The following ZYG11B variants were observed in gnomAD, a reference collection of about 807,000 sequenced individuals.
ZYG11B encodes the protein protein zyg-11 homolog B.
Under a neutral mutation model 82.4 loss-of-function variants are expected in ZYG11B, and 36 were observed. That is an observed-to-expected ratio of 0.44 (90% confidence interval 0.33 to 0.58). The LOEUF is 0.58. Among genes scored for constraint, ZYG11B ranks in the 20% least tolerant of loss-of-function variants. The pLI, the probability that ZYG11B is intolerant of heterozygous loss-of-function variation, is 0.02. For synonymous variants in ZYG11B, 303 were observed against 312.8 expected (o/e 0.97, Z 0.33); for missense variants, 552 against 895.6 (o/e 0.62, Z 4.90).
Position 52,813,777 on chromosome 1 carries a change from A to G in ZYG11B, c.1893+44A>G, listed in dbSNP as rs369888136. ...AACAAAAGACATTCATAGTGGTTAA[A>G]CTATCAAAGCCTCATAATGTAGTAA... On this transcript the variant is annotated intron_variant, in intron 11 of 13. Coordinates refer to ENST00000294353, the MANE Select transcript of ZYG11B (RefSeq NM_024646.3). The G allele has an allele frequency of 2.2e-5, 36 of 1,613,320 alleles. No homozygotes were observed. The African/African-American group carries it at 3.9e-4, about 17-fold the overall frequency.
chr1:52,797,419 TATACATATTATATATAAC>T (rs1645032499), intron 8 of ZYG11B, among the ~76,000 whole-genome samples: 1 of 72,194 alleles, frequency 1.4e-5, no homozygotes, highest in African/African-American at 5.5e-5. Context: ...TATCATATAT[TATACATATTATATATAAC>T]ATATATATTA....
intron 2 of ZYG11B, among the ~76,000 whole-genome samples, chr1:52,762,676 G>A (rs1031204970): frequency 2.0e-5 from 3 of 151,898 alleles, no homozygotes; most frequent in Admixed American, 6.6e-5. Flanking sequence ...CGCCTCCCAG[G>A]TTCAAGCGAT....
At chr1:52,779,292 T>C (rs1644835617) in intron 3 of ZYG11B, among the ~76,000 whole-genome samples, 1 of 152,198 alleles carries the variant, frequency 6.6e-6, no homozygotes, top group South Asian at 2.1e-4. Flanking sequence ...TAGTGTTAAA[T>C]ATCTTGAGAT....
At chr1:52,740,565 CT>C (rs57309331) in intron 1 of ZYG11B, among the ~76,000 whole-genome samples, 13,500 of 124,830 alleles carry the variant, frequency 0.11, 566 homozygotes, top group East Asian at 0.31. Flanking sequence ...GTACTACCTT[CT>C]TTTTTTTTTT....
chr1:52,794,021 C>T (rs2149953043), intron 6 of ZYG11B, among the ~76,000 whole-genome samples: 1 of 151,930 alleles, frequency 6.6e-6, no homozygotes, highest in East Asian at 1.9e-4. Flanking sequence ...TGTCGCCAGG[C>T]TGGAGTGCAG....
intron 2 of ZYG11B, among the ~76,000 whole-genome samples, chr1:52,761,343 C>T (rs756935847): frequency 3.9e-5 from 6 of 152,226 alleles, no homozygotes; most frequent in Non-Finnish European, 7.3e-5. Context: ...TCCTCCTCTT[C>T]TCTCTACAAG....
At chr1:52,758,369 A>G (rs959936568) in intron 2 of ZYG11B, among the ~76,000 whole-genome samples, 2 of 152,108 alleles carry the variant, frequency 1.3e-5, no homozygotes, top group African/African-American at 4.8e-5. Context: ...ATTTTCGTGG[A>G]ATTTTCGCAA....
intron 3 of ZYG11B, among the ~76,000 whole-genome samples, chr1:52,774,344 G>A (rs543046629): frequency 1.2e-4 from 16 of 138,768 alleles, no homozygotes; most frequent in Middle Eastern, 4.1e-3. Flanking sequence ...GTCTAGCTCC[G>A]TCACCCAGGC....
intron 6 of ZYG11B, among the ~76,000 whole-genome samples, chr1:52,791,411 C>T (rs1206175383): frequency 6.6e-6 from 1 of 151,670 alleles, no homozygotes; most frequent in Non-Finnish European, 1.5e-5. Flanking sequence ...TCTTGTTGTC[C>T]AGGCTGGAGT....
chr1:52,802,066 T>C lies in ZYG11B; in HGVS notation c.1648-26T>C, dbSNP rs199584980. 131 of 1,592,488 alleles carry C rather than the reference T, an allele frequency of 8.2e-5. No individual in the cohort carries two copies. In the African/African-American group the frequency reaches 1.6e-3, roughly 19 times the overall value. On this transcript the variant is annotated intron_variant, in intron 9 of 13. Coordinates refer to ENST00000294353, the MANE Select transcript of ZYG11B (RefSeq NM_024646.3). ...ATTTTATATTTGGTTCTTCAGGTAA[T>C]TATAGGTTTCTTTTTCTTTTTACAG...
At chr1:52,752,040 A>G (rs1644529956) in intron 1 of ZYG11B, among the ~76,000 whole-genome samples, 2 of 151,752 alleles carry the variant, frequency 1.3e-5, no homozygotes, top group Admixed American at 6.6e-5. Flanking sequence ...AATTTACCTC[A>G]GTTCTGACAG....
intron 1 of ZYG11B, 54 bp from the exon 2 acceptor site, chr1:52,756,404 G>A: frequency 6.5e-7 from 1 of 1,541,034 alleles, no homozygotes; most frequent in Admixed American, 1.8e-5. Context: ...TGCTTTTCTG[G>A]AAACTAACTA....
At chr1:52,736,295 A>G (rs1007343336) in intron 1 of ZYG11B, among the ~76,000 whole-genome samples, 7 of 151,208 alleles carry the variant, frequency 4.6e-5, no homozygotes. Context: ...TTATTTATTT[A>G]TTGAGACAGA....
chr1:52,798,572 C>G lies in ZYG11B; in HGVS notation c.1485+1788C>G, dbSNP rs150322763. 1.5e-3 allele frequency among the ~76,000 whole-genome samples: 233 copies of G among 152,276 alleles called. 1 individual carries two copies. The highest frequency in any genetic ancestry group is 5.4e-3 in the African/African-American group (224 of 41,560). On this transcript the variant is annotated intron_variant, in intron 8 of 13. Coordinates refer to ENST00000294353, the MANE Select transcript of ZYG11B (RefSeq NM_024646.3). Reference sequence around the variant, plus strand: ...GTTGCAGTTAGCCGTGATGACGCCACTGCACTCCAGCCTGGGTGACAGAGC... The same window carrying G: ...GTTGCAGTTAGCCGTGATGACGCCAGTGCACTCCAGCCTGGGTGACAGAGC...
chr1:52,763,520 G>A (rs1644654897), intron 2 of ZYG11B, among the ~76,000 whole-genome samples: 2 of 152,042 alleles, frequency 1.3e-5, no homozygotes, highest in South Asian at 2.1e-4. Context: ...GGGTCTCACT[G>A]TGTTGTCCAG....
chr1:52,820,002 C>A (rs1466592096), intron 13 of ZYG11B, among the ~76,000 whole-genome samples: 1 of 150,970 alleles, frequency 6.6e-6, no homozygotes, highest in African/African-American at 2.4e-5. Context: ...GCAAGCTCCG[C>A]CTCCCACTTC....
intron 2 of ZYG11B, among the ~76,000 whole-genome samples, chr1:52,759,621 G>A (rs559812137): frequency 4.6e-5 from 7 of 152,248 alleles, no homozygotes; most frequent in Admixed American, 4.6e-4. Flanking sequence ...TCTTCATCAA[G>A]AAGGGTTCTG....
At chr1:52,805,442 T>C (rs1002956699) in intron 10 of ZYG11B, 1 of 455,696 alleles carries the variant, frequency 2.2e-6, no homozygotes, top group African/African-American at 2.0e-5. Flanking sequence ...AATTATTAAA[T>C]AAATTACAGC....
chr1:52,757,200 A>G (rs1254474236), intron 2 of ZYG11B, among the ~76,000 whole-genome samples: 1 of 151,544 alleles, frequency 6.6e-6, no homozygotes, highest in Non-Finnish European at 1.5e-5. Context: ...TTTTGTAGAG[A>G]TAAGGTCTCA....
Sources: gnomAD v4.1 joint callset for allele counts (sites outside exome capture counted in the v4.1 genomes callset) on GRCh38, gnomAD v4.1.1 for gene constraint, MANE v1.5 for transcripts, NCBI Gene and HGNC (gene_info 2026-07-23, HGNC 2026-07-21) for gene names.